FHL5: variants seen among roughly 807,000 people sequenced by gnomAD.
The protein encoded by FHL5 is four and a half LIM domains protein 5.
Under a neutral mutation model 32.0 loss-of-function variants are expected in FHL5, and 33 were observed. That is an observed-to-expected ratio of 1.03 (90% CI 0.78 to 1.38). FHL5 has a LOEUF of 1.38. Ranked by LOEUF, FHL5 falls within the 40% of genes most tolerant of loss-of-function variation. The probability of loss-of-function intolerance (pLI) is 0.00; values close to 1 mark genes in which losing one functional copy is unlikely to be tolerated. For synonymous variants in FHL5, 114 were observed against 113.6 expected (o/e 1.00, Z -0.02); for missense variants, 336 against 343.9 (o/e 0.98, Z 0.18).
chr6:96,564,438 A>G (rs1479518306), intron 1 of FHL5, among the ~76,000 whole-genome samples: 1 of 152,158 alleles, frequency 6.6e-6, no homozygotes, highest in African/African-American at 2.4e-5. Context: ...TTCTCACATT[A>G]TTATTAGTTG....
rs750300128 is a variant in FHL5, at chr6:96,616,816, A to C, written c.*1044A>C. On this transcript the variant is annotated 3_prime_UTR_variant, in exon 6 of 6. Transcript: ENST00000450218. ...GTGGGCTTTAAAGAAATCTAGTAATAATAAAAGCTGAAAAAGAATAATTCA... is the reference window on the plus strand; with the variant it reads ...GTGGGCTTTAAAGAAATCTAGTAATCATAAAAGCTGAAAAAGAATAATTCA... 2.3e-4 allele frequency among the ~76,000 whole-genome samples: 35 copies of C among 152,188 alleles called. No homozygotes were observed. Among genetic ancestry groups the C allele is most frequent in the Admixed American group, 3.9e-4 (6 of 15,286 alleles).
In FHL5 at chr6:96,571,329, C is replaced by A. The variant is rs556185794; in HGVS notation, c.-13+7974C>A. Among the ~76,000 whole-genome samples, 10 of 152,250 alleles carry A rather than the reference C, an allele frequency of 6.6e-5. No homozygotes were observed. In the South Asian group the frequency reaches 1.7e-3, roughly 25 times the overall value. On this transcript the variant is annotated intron_variant, in intron 1 of 5. Transcript: ENST00000450218. The stretch of plus-strand genomic sequence containing the variant: ...TAGAGGTTTGTGGCAATGGCACTGG[C>A]AACATAAGTTTTTAATGTTCTTTGT...
In FHL5 at chr6:96,603,716, C is replaced by T. The variant is rs138154376; in HGVS notation, c.103C>T (p.Arg35Cys). The change falls in exon 2 of 6, where the codon CGT (arginine) becomes TGT (cysteine). Residue 35 changes from arginine to cysteine, a missense_variant. Transcript: ENST00000450218. ...TCCATACTGTGTTACATGTTATGATCGTGTATTTTCTAACTATTGCGAGGA... is the reference window on the plus strand; with the variant it reads ...TCCATACTGTGTTACATGTTATGATTGTGTATTTTCTAACTATTGCGAGGA... ...DSPYCVTCYD[R>C]VFSNYCEECK... 32 of 1,611,650 alleles carry T rather than the reference C, an allele frequency of 2.0e-5. No individual in the cohort carries two copies. Among genetic ancestry groups the T allele is most frequent in the Non-Finnish European group, 2.5e-5 (30 of 1,178,838 alleles).
intron 1 of FHL5, among the ~76,000 whole-genome samples, chr6:96,569,937 G>T (rs547256744): frequency 8.6e-5 from 13 of 151,120 alleles, no homozygotes; most frequent in Non-Finnish European, 1.5e-4. Flanking sequence ...CCACCATTTT[G>T]TTGTTTTCCT....
At chr6:96,583,358 T>C (rs1770732162) in intron 1 of FHL5, among the ~76,000 whole-genome samples, 1 of 152,198 alleles carries the variant, frequency 6.6e-6, no homozygotes, top group Non-Finnish European at 1.5e-5. Flanking sequence ...TACAGACTAA[T>C]AATAAATGTG....
intron 4 of FHL5, among the ~76,000 whole-genome samples, chr6:96,608,723 C>T (rs1771336622): frequency 6.6e-6 from 1 of 152,144 alleles, no homozygotes; most frequent in Admixed American, 6.5e-5. Flanking sequence ...CACTTTTTCA[C>T]AGAACAAACT....
chr6:96,570,711 C>G (rs913978613), intron 1 of FHL5, among the ~76,000 whole-genome samples: 6 of 151,986 alleles, frequency 3.9e-5, no homozygotes, highest in African/African-American at 1.2e-4. Flanking sequence ...TTTTCTCTGA[C>G]TGGGTAACTT....
chr6:96,617,181 G>A lies in FHL5; in HGVS notation c.*1409G>A, dbSNP rs1037973153. On this transcript the variant is annotated 3_prime_UTR_variant, in exon 6 of 6. Transcript: ENST00000450218. ...TTGGGACAAATGGAAAGCAACCTCTGCTCTCCATGATCTGTTTTCACATTG... is the reference window on the plus strand; with the variant it reads ...TTGGGACAAATGGAAAGCAACCTCTACTCTCCATGATCTGTTTTCACATTG... Among the ~76,000 whole-genome samples the A allele has an allele frequency of 6.6e-6, 1 of 152,168 alleles. No individual in the cohort carries two copies. The highest frequency in any genetic ancestry group is 2.4e-5 in the African/African-American group (1 of 41,422).
chr6:96,568,013 T>C (rs1770397356), intron 1 of FHL5, among the ~76,000 whole-genome samples: 2 of 151,674 alleles, frequency 1.3e-5, no homozygotes, highest in African/African-American at 4.8e-5. Flanking sequence ...GCCTAGGGCT[T>C]CCAGTACTCT....
chr6:96,611,637 A>G (rs1771410819), intron 5 of FHL5, among the ~76,000 whole-genome samples: 1 of 152,230 alleles, frequency 6.6e-6, no homozygotes, highest in Non-Finnish European at 1.5e-5. Flanking sequence ...TTAGTTGTTC[A>G]TATACCATAG....
chr6:96,578,219 CCT>C (rs1202093520), intron 1 of FHL5, among the ~76,000 whole-genome samples: 2 of 152,238 alleles, frequency 1.3e-5, no homozygotes, highest in Non-Finnish European at 2.9e-5. Context: ...CCCCTCCTTT[CCT>C]CTTTCTCCTT....
intron 3 of FHL5, 108 bp from the exon 4 acceptor site, chr6:96,605,794 C>T: frequency 2.3e-6 from 2 of 881,094 alleles, no homozygotes; most frequent in South Asian, 4.6e-5. Flanking sequence ...AAGGACAATT[C>T]ATTTATCATC....
In FHL5 at chr6:96,572,346, T is replaced by A. The variant is rs1015022513; in HGVS notation, c.-13+8991T>A. Among the ~76,000 whole-genome samples the A allele has an allele frequency of 2.6e-5, 4 of 152,176 alleles. No individual in the cohort carries two copies. In the South Asian group the frequency reaches 8.3e-4, roughly 32 times the overall value. ...TGACTGCTCTGAATAGCCAAGGTACTGTTTTCCCAAGAGACAGGATGCTGC... is the reference window on the plus strand; with the variant it reads ...TGACTGCTCTGAATAGCCAAGGTACAGTTTTCCCAAGAGACAGGATGCTGC... On this transcript the variant is annotated intron_variant, in intron 1 of 5. Transcript: ENST00000450218.
At chr6:96,573,787 T>C (rs1472804839) in intron 1 of FHL5, among the ~76,000 whole-genome samples, 1 of 151,924 alleles carries the variant, frequency 6.6e-6, no homozygotes, top group Non-Finnish European at 1.5e-5. Flanking sequence ...TCCCAGAGTG[T>C]TGGGATTACA....
In FHL5 at chr6:96,617,921, G is replaced by A. The variant is rs1358208621; in HGVS notation, c.*2149G>A. On this transcript the variant is annotated 3_prime_UTR_variant, in exon 6 of 6. Transcript: ENST00000450218. ...CATATAAATAGTTCTGCATTTAGAA[G>A]GTATCCTACACATCAAACATCCATT... Among the ~76,000 whole-genome samples the A allele has an allele frequency of 6.6e-6, 1 of 152,024 alleles. No homozygotes were observed. The highest frequency in any genetic ancestry group is 2.4e-5 in the African/African-American group (1 of 41,396).
intron 1 of FHL5, among the ~76,000 whole-genome samples, chr6:96,599,636 T>C (rs1383317344): frequency 6.6e-6 from 1 of 152,224 alleles, no homozygotes; most frequent in African/African-American, 2.4e-5. Flanking sequence ...GATATATCAG[T>C]GCACCTCTAA....
chr6:96,610,646 G>T lies in FHL5; in HGVS notation c.579G>T (p.Arg193Ser), dbSNP rs772792302. ...HKECFLCSGC[R>S]KDLCEEQFMS... ...AGTGTTTTCTGTGTAGTGGCTGTAGGAAAGATCTCTGTGAAGAACAGTTCA... is the reference window on the plus strand; with the variant it reads ...AGTGTTTTCTGTGTAGTGGCTGTAGTAAAGATCTCTGTGAAGAACAGTTCA... Residue 193 changes from arginine to serine, a missense_variant, in exon 5 of 6, where the codon AGG becomes AGT. Physicochemically the swap from Arg to Ser is moderately radical, Grantham distance 110 (BLOSUM62 -1). Coordinates refer to ENST00000450218, the MANE Select transcript of FHL5 (RefSeq NM_001322466.2). 1 of 1,613,722 alleles carries T rather than the reference G, an allele frequency of 6.2e-7. No homozygotes were observed.
At chr6:96,579,598 G>C (rs1280273293) in intron 1 of FHL5, among the ~76,000 whole-genome samples, 3 of 152,158 alleles carry the variant, frequency 2.0e-5, no homozygotes, top group Non-Finnish European at 4.4e-5. Context: ...ATTTTGCCAT[G>C]TACCATGTGT....
intron 1 of FHL5, among the ~76,000 whole-genome samples, chr6:96,572,737 T>C (rs981659447): frequency 2.0e-5 from 3 of 152,168 alleles, no homozygotes; most frequent in African/African-American, 7.2e-5. Context: ...GAAGGTCTGT[T>C]GGTGTCCAGG....
Sources: gnomAD v4.1 joint callset for allele counts (sites outside exome capture counted in the v4.1 genomes callset) on GRCh38, gnomAD v4.1.1 for gene constraint, MANE v1.5 for transcripts, NCBI Gene and HGNC (gene_info 2026-07-23, HGNC 2026-07-21) for gene names.